Variants in FRMD4A observed in about 807,000 individuals in gnomAD.
The protein encoded by FRMD4A is FERM domain-containing protein 4A.
In FRMD4A, 29 loss-of-function variants were observed where a neutral mutation model predicts 129.1. That is an observed-to-expected ratio of 0.22 (90% CI 0.17 to 0.31). FRMD4A has a LOEUF of 0.31. Ranked by LOEUF, FRMD4A falls within the 10% of genes least tolerant of loss-of-function variation. FRMD4A has a pLI of 1.00. For missense variants in FRMD4A, 1,272 were observed against 1,375.8 expected (o/e 0.92, Z 1.19); for synonymous variants, 634 against 571.6 (o/e 1.11, Z -1.56).
intron 12 of FRMD4A, among the ~76,000 whole-genome samples, chr10:13,733,262 AAAAC>A (rs1306652091): frequency 6.6e-6 from 1 of 152,230 alleles, no homozygotes; most frequent in African/African-American, 2.4e-5. Context: ...CAATGCAAGA[AAAAC>A]AAACAGGCAC....
At chr10:13,685,917 A>G (rs1246328601) in intron 15 of FRMD4A, among the ~76,000 whole-genome samples, 1 of 152,118 alleles carries the variant, frequency 6.6e-6, no homozygotes, top group Non-Finnish European at 1.5e-5. Context: ...GGATAAATAT[A>G]GCTGTGTAAA....
Position 13,684,282 on chromosome 10 carries a change from A to C in FRMD4A, c.1118-9238T>G, listed in dbSNP as rs528722368. 9.5e-5 allele frequency: 93 copies of C among 978,160 alleles called. No individual in the cohort carries two copies. The African/African-American group carries it at 1.5e-3, about 16-fold the overall frequency. 60.6% of individuals were successfully genotyped at this position (978,160 alleles called of 1,614,324 possible). A position where few individuals can be genotyped will look rare whatever the true frequency, so the allele number is the denominator to read the frequency against. On this transcript the variant is annotated intron_variant, in intron 15 of 24. Coordinates refer to ENST00000357447, the MANE Select transcript of FRMD4A (RefSeq NM_018027.5). ...CAAAAAGGGCTGACCCTAAAAAGAC[A>C]ATTCCCATCCAAGCAGAGAGAGAGA...
chr10:13,943,839 G>A (rs939300091), intron 2 of FRMD4A, among the ~76,000 whole-genome samples: 2 of 152,060 alleles, frequency 1.3e-5, no homozygotes, highest in Admixed American at 1.3e-4. Context: ...AAATAGGTTG[G>A]TGTGGATCGG....
chr10:13,654,529 C>A lies in FRMD4A; in HGVS notation c.2954-17G>T, dbSNP rs756413355. The A allele has an allele frequency of 6.5e-7, 1 of 1,538,712 alleles. No individual in the cohort carries two copies. Among genetic ancestry groups the A allele is most frequent in the South Asian group, 1.1e-5 (1 of 88,928 alleles). On this transcript the variant is annotated splice_polypyrimidine_tract_variant and intron_variant, in intron 22 of 24. Coordinates refer to ENST00000357447, the MANE Select transcript of FRMD4A (RefSeq NM_018027.5). The stretch of plus-strand genomic sequence containing the variant: ...GTAAGGCAGCTACATGCAGGTGGTG[C>A]AAGAAAGGCAGAGAGCAGACAGGGA...
chr10:13,734,840 C>CTATTTATTTATT (rs140004557), intron 12 of FRMD4A, among the ~76,000 whole-genome samples: 1 of 141,524 alleles, frequency 7.1e-6, no homozygotes, highest in African/African-American at 2.7e-5. Context: ...TCTTCTTTTT[C>CTATTTATTTATT]TATTTATTTA....
intron 4 of FRMD4A, 48 bp from the exon 5 acceptor site, chr10:13,796,636 G>T: frequency 1.0e-6 from 1 of 979,688 alleles, no homozygotes; most frequent in Non-Finnish European, 1.7e-6. Flanking sequence ...TTTTGCAGAA[G>T]TTTTTTTGGG....
intron 3 of FRMD4A, among the ~76,000 whole-genome samples, chr10:13,851,186 C>T (rs951974565): frequency 1.3e-5 from 2 of 152,130 alleles, no homozygotes; most frequent in Admixed American, 1.3e-4. Context: ...TGCACTCCAG[C>T]CTGGGCGACA....
At chr10:13,924,041 G>C (rs2095102495) in intron 2 of FRMD4A, among the ~76,000 whole-genome samples, 1 of 152,230 alleles carries the variant, frequency 6.6e-6, no homozygotes, top group Admixed American at 6.5e-5. Context: ...AGAGGCAGTG[G>C]AGGCTGCAAT....
chr10:14,129,575 G>A (rs1208974738), intron 2 of FRMD4A, among the ~76,000 whole-genome samples: 20 of 151,694 alleles, frequency 1.3e-4, no homozygotes, highest in Admixed American at 1.3e-3. Context: ...CTGCTGGGTG[G>A]GAGGCCCGCC....
At chr10:13,679,472 T>TAC (rs1169130994) in intron 15 of FRMD4A, among the ~76,000 whole-genome samples, 1 of 21,386 alleles carries the variant, frequency 4.7e-5, no homozygotes, top group African/African-American at 2.2e-4. Context: ...TATATATATA[T>TAC]ATACACACAC....
At chr10:14,235,675 ACT>A (rs759073183) in intron 2 of FRMD4A, among the ~76,000 whole-genome samples, 5 of 152,210 alleles carry the variant, frequency 3.3e-5, no homozygotes, top group Non-Finnish European at 5.9e-5. Context: ...CCCACCAGTG[ACT>A]CTCCAGCGGC....
intron 13 of FRMD4A, among the ~76,000 whole-genome samples, chr10:13,701,725 G>A (rs891578691): frequency 7.2e-5 from 11 of 152,144 alleles, no homozygotes; most frequent in African/African-American, 2.4e-4. Context: ...GCCAAGCCTC[G>A]GCCTTGTCTG....
chr10:13,875,326 G>GC (rs1195482686), intron 2 of FRMD4A, among the ~76,000 whole-genome samples: 12 of 152,218 alleles, frequency 7.9e-5, no homozygotes, highest in Non-Finnish European at 5.9e-5. Flanking sequence ...AGACAGGGCT[G>GC]CAACAGCAAG....
chr10:13,676,344 C>T (rs1426305342), intron 15 of FRMD4A, among the ~76,000 whole-genome samples: 5 of 151,866 alleles, frequency 3.3e-5, no homozygotes, highest in Admixed American at 2.0e-4. Flanking sequence ...TCACTGCAAC[C>T]TCCGCCTCCT....
chr10:14,113,797 T>C (rs1466411347), intron 2 of FRMD4A, among the ~76,000 whole-genome samples: 1 of 152,210 alleles, frequency 6.6e-6, no homozygotes, highest in African/African-American at 2.4e-5. Context: ...CGTGTGTGTG[T>C]GTGCTGCCAT....
chr10:14,155,794 C>T (rs1326962702), intron 2 of FRMD4A, among the ~76,000 whole-genome samples: 3 of 152,188 alleles, frequency 2.0e-5, no homozygotes, highest in South Asian at 2.1e-4. Flanking sequence ...TCTCTTTACT[C>T]GCATTTTCAG....
intron 4 of FRMD4A, among the ~76,000 whole-genome samples, chr10:13,804,567 C>CG (rs776932995): frequency 3.5e-4 from 52 of 150,478 alleles, no homozygotes; most frequent in East Asian, 1.9e-4. Context: ...TTTGTTGAGA[C>CG]GGAGTCTCGC....
At chr10:14,255,339 T>C (rs914884809) in intron 2 of FRMD4A, among the ~76,000 whole-genome samples, 3 of 152,194 alleles carry the variant, frequency 2.0e-5, no homozygotes, top group Non-Finnish European at 4.4e-5. Context: ...ATCAGCTGTC[T>C]TCCACATGTG....
intron 2 of FRMD4A, among the ~76,000 whole-genome samples, chr10:13,922,011 T>C (rs2095078723): frequency 1.3e-5 from 2 of 151,940 alleles, no homozygotes; most frequent in Admixed American, 1.3e-4. Flanking sequence ...AGCCTGCATG[T>C]TGAGACTAGA....
Sources: gnomAD v4.1 joint callset for allele counts (sites outside exome capture counted in the v4.1 genomes callset) on GRCh38, gnomAD v4.1.1 for gene constraint, MANE v1.5 for transcripts, NCBI Gene and HGNC (gene_info 2026-07-23, HGNC 2026-07-21) for gene names.